CNNM1: variants seen among roughly 807,000 people sequenced by gnomAD.
The protein encoded by CNNM1 is metal transporter CNNM1.
Under a neutral mutation model 78.8 loss-of-function variants are expected in CNNM1, and 44 were observed. The observed-to-expected ratio is 0.56, with a 90% CI of 0.44 to 0.72. The LOEUF (loss-of-function observed/expected upper bound fraction) is 0.72, where lower values mean the gene tolerates loss of function less well. CNNM1 is among the 30% of genes least tolerant of loss of function. CNNM1 has a pLI of 0.00. For synonymous variants in CNNM1, 584 were observed against 581.5 expected (o/e 1.00, Z -0.06); for missense variants, 1,101 against 1,292.2 (o/e 0.85, Z 2.27).
rs753036220 is a variant in CNNM1 at position 99,387,951 on chromosome 10, C to T, written c.2472C>T (p.Thr824=). 9.9e-6 allele frequency: 16 copies of T among 1,608,402 alleles called. No homozygotes were observed. In the East Asian group the frequency reaches 3.3e-4, roughly 34 times the overall value. ...KAPTTRGTPQ[T]PKDDPAITLL... Reference sequence around the variant, plus strand: ...CCACAACCCGGGGCACACCCCAGACCCCTAAGGATGACCCCGCCATCACGC... The same window carrying T: ...CCACAACCCGGGGCACACCCCAGACTCCTAAGGATGACCCCGCCATCACGC... Residue 824 remains threonine, a synonymous_variant, in exon 8 of 11, where the codon ACC becomes ACT. Coordinates refer to ENST00000356713, the MANE Select transcript of CNNM1 (RefSeq NM_020348.3).
At chr10:99,361,905 G>A (rs868412580) in intron 3 of CNNM1, among the ~76,000 whole-genome samples, 1 of 152,244 alleles carries the variant, frequency 6.6e-6, no homozygotes, top group Middle Eastern at 3.4e-3. Flanking sequence ...TTGTTTATGT[G>A]GCTTAGTTGT....
chr10:99,388,991 C>A (rs1564963128), intron 9 of CNNM1, among the ~76,000 whole-genome samples: 1 of 152,152 alleles, frequency 6.6e-6, no homozygotes, highest in Non-Finnish European at 1.5e-5. Flanking sequence ...AGATGTATTC[C>A]CCAAGCTTTC....
chr10:99,362,895 C>A (rs1250786366), intron 4 of CNNM1, among the ~76,000 whole-genome samples: 1 of 152,184 alleles, frequency 6.6e-6, no homozygotes, highest in African/African-American at 2.4e-5. Context: ...TGCATTTCAG[C>A]CTTTGCAGTT....
At chr10:99,365,852 G>A (rs1254855489) in intron 6 of CNNM1, among the ~76,000 whole-genome samples, 1 of 152,142 alleles carries the variant, frequency 6.6e-6, no homozygotes, top group African/African-American at 2.4e-5. Flanking sequence ...GAGGGTCCCA[G>A]AGCTTGATAT....
At chr10:99,368,584 G>T in intron 6 of CNNM1, 1 of 1,276,138 alleles carries the variant, frequency 7.8e-7, no homozygotes, top group Non-Finnish European at 1.0e-6. Flanking sequence ...CTTCCCTTTC[G>T]CAACTCACAA....
In CNNM1 at chr10:99,329,730, G is replaced by A. The variant is rs1850555192; in HGVS notation, c.343G>A (p.Gly115Ser). 1.3e-6 allele frequency: 2 copies of A among 1,515,964 alleles called. No homozygotes were observed. The highest frequency in any genetic ancestry group is 1.8e-6 in the Non-Finnish European group (2 of 1,141,912). 93.9% of individuals were successfully genotyped at this position (1,515,964 alleles called of 1,614,324 possible). A position where few individuals can be genotyped will look rare whatever the true frequency, so the allele number is the denominator to read the frequency against. ...CGTGTTCATCGAGGAGCCCCCGGGC[G>A]GTGGCGGCGTGGCCCCCAGCGCGGT... is the stretch of plus-strand genomic sequence containing the variant. ...RLVFIEEPPGGGGVAPSAVPT... is the reference protein window; with the variant it reads ...RLVFIEEPPGSGGVAPSAVPT... Residue 115 changes from glycine (G) to serine (S), a missense_variant, in exon 1 of 11, where the codon GGT becomes AGT. This residue lies in a region of CNNM1 where 476 missense variants were observed against 484.5 expected (regional missense o/e 0.98). Coordinates refer to ENST00000356713, the MANE Select transcript of CNNM1 (RefSeq NM_020348.3).
At chr10:99,374,969 A>G (rs572924633) in intron 6 of CNNM1, among the ~76,000 whole-genome samples, 59 of 152,368 alleles carry the variant, frequency 3.9e-4, no homozygotes, top group South Asian at 2.7e-3. Flanking sequence ...CTAGGTGACC[A>G]GACAAGGTCT....
At chr10:99,357,395 C>T (rs2031259507) in intron 1 of CNNM1, 117 bp from the exon 2 acceptor site, 2 of 944,828 alleles carry the variant, frequency 2.1e-6, no homozygotes, top group Non-Finnish European at 3.1e-6. Flanking sequence ...TTAAGGAGGT[C>T]CAGGGATGAG....
intron 2 of CNNM1, 78 bp from the exon 3 acceptor site, chr10:99,360,757 C>A (rs2031400891): frequency 2.0e-6 from 3 of 1,511,630 alleles, no homozygotes; most frequent in Admixed American, 2.0e-5. Context: ...TTCTATCTGT[C>A]CCCTGTGATT....
At chr10:99,342,198 G>A (rs1018400263) in intron 1 of CNNM1, among the ~76,000 whole-genome samples, 11 of 152,190 alleles carry the variant, frequency 7.2e-5, no homozygotes, top group African/African-American at 2.4e-4. Flanking sequence ...TGATTAGTTA[G>A]GTTTTGACTG....
intron 6 of CNNM1, among the ~76,000 whole-genome samples, chr10:99,367,673 A>T (rs745391792): frequency 1.3e-5 from 2 of 152,194 alleles, no homozygotes; most frequent in Non-Finnish European, 1.5e-5. Context: ...AGAGCAAAGG[A>T]TTATCAGGTA....
chr10:99,352,180 G>A (rs2030974071), intron 1 of CNNM1, among the ~76,000 whole-genome samples: 1 of 152,086 alleles, frequency 6.6e-6, no homozygotes, highest in African/African-American at 2.4e-5. Flanking sequence ...TTCTTCCCCT[G>A]TAGATTGGTC....
intron 1 of CNNM1, among the ~76,000 whole-genome samples, chr10:99,345,019 G>A (rs2134024969): frequency 6.6e-6 from 1 of 152,316 alleles, no homozygotes; most frequent in Admixed American, 6.5e-5. Flanking sequence ...GGAATGTGGA[G>A]TCTGCATTGT....
intron 6 of CNNM1, among the ~76,000 whole-genome samples, chr10:99,365,782 G>A (rs1288701916): frequency 6.6e-6 from 1 of 152,164 alleles, no homozygotes; most frequent in Admixed American, 6.5e-5. Context: ...ATGCCAAATA[G>A]GGTCTTTCCT....
chr10:99,388,471 T>C (rs2096714459), intron 9 of CNNM1, among the ~76,000 whole-genome samples, 170 bp downstream of exon 9: 1 of 152,220 alleles, frequency 6.6e-6, no homozygotes, highest in African/African-American at 2.4e-5. Flanking sequence ...GCATCTACCA[T>C]GCATCAGGCC....
At chr10:99,354,781 T>A (rs1331343095) in intron 1 of CNNM1, among the ~76,000 whole-genome samples, 1 of 151,882 alleles carries the variant, frequency 6.6e-6, no homozygotes, top group Non-Finnish European at 1.5e-5. Flanking sequence ...AAGTATAGAA[T>A]GAGTAGGGGA....
chr10:99,376,967 CTCTCCCTCCTTCCCTG>C, intron 6 of CNNM1, 72 bp from the exon 7 acceptor site: 1 of 1,217,626 alleles, frequency 8.2e-7, no homozygotes, highest in Non-Finnish European at 1.2e-6. Context: ...CAACACCTGT[CTCTCCCTCCTTCCCTG>C]TCTCCCTCCC....
In CNNM1 at chr10:99,329,651, C is replaced by T; in HGVS notation, c.264C>T (p.Pro88=). The T allele has an allele frequency of 6.5e-7, 1 of 1,544,886 alleles. No individual in the cohort carries two copies. The highest frequency in any genetic ancestry group is 8.7e-7 in the Non-Finnish European group (1 of 1,154,176). The change falls in exon 1 of 11, where the codon CCC becomes CCT. Residue 88 remains proline (P), a synonymous_variant. Coordinates refer to ENST00000356713, the MANE Select transcript of CNNM1 (RefSeq NM_020348.3). ...CGCCGGCCACCGCCGCACCGGTGCC[C>T]TCACCGACCCTCAACTCGGGGGAGA... ...PGPPATAAPV[P]SPTLNSGENG...
intron 1 of CNNM1, among the ~76,000 whole-genome samples, chr10:99,345,713 C>T (rs2862603): frequency 0.45 from 69,068 of 152,044 alleles, 18,618 homozygotes; most frequent in Non-Finnish European, 0.6. Context: ...ATCTGAGAGG[C>T]CTGAGCTTAA....
Sources: allele counts gnomAD v4.1 joint callset (sites outside exome capture counted in the v4.1 genomes callset), GRCh38; gene constraint gnomAD v4.1.1; regional missense constraint gnomAD v4.1.1; transcripts MANE v1.5; gene names NCBI Gene and HGNC (gene_info 2026-07-23, HGNC 2026-07-21).